TBC1D9B: variants seen among roughly 807,000 people sequenced by gnomAD.
The protein encoded by TBC1D9B is TBC1 domain family, member 9B (with GRAM domain).
Under a neutral mutation model 121.1 loss-of-function variants are expected in TBC1D9B, and 87 were observed. That is an observed-to-expected ratio of 0.72 (90% CI 0.60 to 0.86). TBC1D9B has a LOEUF of 0.86. Among genes scored for constraint, TBC1D9B ranks in the 40% least tolerant of loss-of-function variants. TBC1D9B has a pLI of 0.00. For synonymous variants in TBC1D9B, 668 were observed against 670.1 expected (o/e 1.00, Z 0.05); for missense variants, 1,540 against 1,628.6 (o/e 0.95, Z 0.94).
At chr5:179,879,838 G>A (rs1038713652) in intron 7 of TBC1D9B, 49 bp from the exon 8 acceptor site, 1 of 1,542,048 alleles carries the variant, frequency 6.5e-7, no homozygotes, top group African/African-American at 1.4e-5. Flanking sequence ...GTGCTGCCAG[G>A]TGGCCTCTGA....
At position 179,904,649 on chromosome 5, in the gene TBC1D9B, G is replaced by A. The variant is rs534613880; in HGVS notation, c.229+53C>T. 1.3e-5 allele frequency: 19 copies of A among 1,479,448 alleles called. No individual in the cohort carries two copies. In the South Asian group the frequency reaches 2.1e-4, roughly 16 times the overall value. 91.6% of individuals were successfully genotyped at this position (1,479,448 alleles called of 1,614,324 possible). On this transcript the variant is annotated intron_variant, in intron 2 of 20. Transcript: ENST00000355235. This position sits in a 1 kb window ranked among gnomAD's most constrained non-coding sequence, Gnocchi z 4.2. ...CTACACACCCCTTCCTCTCGGCAAC[G>A]GCCCTTCCAGGGCAGGCCCTGCCCA...
chr5:179,865,929 T>C lies in TBC1D9B; in HGVS notation c.2864-41A>G. 6.2e-7 allele frequency: 1 copy of C among 1,612,870 alleles called. No homozygotes were observed. The highest frequency in any genetic ancestry group is 8.5e-7 in the Non-Finnish European group (1 of 1,178,932). On this transcript the variant is annotated intron_variant, in intron 18 of 20. Coordinates refer to ENST00000355235, the MANE Select transcript of TBC1D9B (RefSeq NM_015043.4). This position sits in a 1 kb window ranked among gnomAD's most constrained non-coding sequence, Gnocchi z 5.1. The stretch of plus-strand genomic sequence containing the variant: ...AATAAAAAGAACATGAATAACATTC[T>C]GCTGTTGGGACTGCAAGCTCCTGGG...
chr5:179,875,118 ATCT>A lies in TBC1D9B; in HGVS notation c.1967_1969del (p.Lys656del). Reference sequence around the variant, plus strand: ...GCTGGAGATCACCCCCAGGTCCTGCATCTTCTCCGAGAGCTGCGGCAGGAAGTC... The same window carrying A: ...GCTGGAGATCACCCCCAGGTCCTGCATCTCCGAGAGCTGCGGCAGGAAGTC... On this transcript the variant is annotated inframe_deletion, in exon 12 of 21. Transcript: ENST00000355235. The surrounding 1 kb of genome is among the most constrained non-coding windows in gnomAD (Gnocchi z 4.5). 1 of 1,614,016 alleles carries A rather than the reference ATCT, an allele frequency of 6.2e-7. No homozygotes were observed. Among genetic ancestry groups the A allele is most frequent in the Non-Finnish European group, 8.5e-7 (1 of 1,180,022 alleles).
At chr5:179,898,985 G>A (rs1189093287) in intron 3 of TBC1D9B, among the ~76,000 whole-genome samples, 1 of 152,222 alleles carries the variant, frequency 6.6e-6, no homozygotes, top group African/African-American at 2.4e-5. Context: ...GCAGCCTCCA[G>A]TGCCCACCCA....
intron 7 of TBC1D9B, among the ~76,000 whole-genome samples, chr5:179,880,653 C>T (rs1561640226): frequency 6.6e-6 from 1 of 152,062 alleles, no homozygotes; most frequent in East Asian, 1.9e-4. Context: ...CCTGTTAAAA[C>T]GTACCAAATT....
Position 179,893,614 on chromosome 5 carries a change from G to A in TBC1D9B, c.578-147C>T, listed in dbSNP as rs148458353. On this transcript the variant is annotated intron_variant, in intron 4 of 20. Transcript: ENST00000355235. Reference sequence around the variant, plus strand: ...CCCAGGCCTGTCTGGGCTGTGTCACGCCCTCCATGTGGAGGGACCAGGCCA... The same window carrying A: ...CCCAGGCCTGTCTGGGCTGTGTCACACCCTCCATGTGGAGGGACCAGGCCA... The A allele has an allele frequency of 8.7e-4, 1,005 of 1,158,574 alleles. 7 individuals carry two copies. The African/African-American group carries it at 0.011, about 13-fold the overall frequency. 71.8% of individuals were successfully genotyped at this position (1,158,574 alleles called of 1,614,324 possible).
chr5:179,893,099 G>A (rs1345806910), intron 5 of TBC1D9B, 110 bp downstream of exon 5: 3 of 1,448,620 alleles, frequency 2.1e-6, no homozygotes, highest in Non-Finnish European at 1.8e-6. Context: ...CCCATGAGGG[G>A]TGAATGTGGA....
chr5:179,901,675 T>C (rs1414489907), intron 2 of TBC1D9B, among the ~76,000 whole-genome samples: 2 of 152,164 alleles, frequency 1.3e-5, no homozygotes, highest in Non-Finnish European at 2.9e-5. Context: ...GTCAGGAGGC[T>C]GAGGTGGGAG....
intron 18 of TBC1D9B, 121 bp downstream of exon 18, chr5:179,867,657 C>A: frequency 1.3e-6 from 2 of 1,514,200 alleles, no homozygotes; most frequent in Non-Finnish European, 9.1e-7. Flanking sequence ...TGGGGAGAAC[C>A]CCATGCGGCC....
chr5:179,879,566 C>T (rs1760468949), intron 8 of TBC1D9B, 62 bp downstream of exon 8: 1 of 1,611,354 alleles, frequency 6.2e-7, no homozygotes, highest in African/African-American at 1.3e-5. Flanking sequence ...GGACTGGCTC[C>T]AGCTTTCCTC....
At chr5:179,897,278 C>T (rs888563272) in intron 3 of TBC1D9B, among the ~76,000 whole-genome samples, 1 of 151,578 alleles carries the variant, frequency 6.6e-6, no homozygotes, top group African/African-American at 2.4e-5. Context: ...GCATCCCACA[C>T]ATCCTGACAT....
At chr5:179,870,795 G>A (rs1431036651) in intron 15 of TBC1D9B, 6 of 407,236 alleles carry the variant, frequency 1.5e-5, no homozygotes, top group Non-Finnish European at 2.7e-5. Flanking sequence ...AGGGAAACAA[G>A]AGGCCTGAGG....
At chr5:179,869,580 C>G (rs1342276268) in intron 17 of TBC1D9B, 189 bp downstream of exon 17, 1 of 715,184 alleles carries the variant, frequency 1.4e-6, no homozygotes, top group South Asian at 1.5e-5. Context: ...CCTTCCCAGG[C>G]CAAGGCCCTG....
chr5:179,862,511 G>A lies in TBC1D9B; in HGVS notation c.*937C>T, dbSNP rs1310700709. 2 of 453,304 alleles carry A rather than the reference G, an allele frequency of 4.4e-6. No individual in the cohort carries two copies. The highest frequency in any genetic ancestry group is 2.0e-5 in the African/African-American group (1 of 50,046). The allele number at this position is 453,304 out of a possible 1,614,324, so 28.1% of individuals were successfully genotyped here. A position where few individuals can be genotyped will look rare whatever the true frequency, so the allele number is the denominator to read the frequency against. On this transcript the variant is annotated 3_prime_UTR_variant, in exon 21 of 21. Transcript: ENST00000355235. The stretch of plus-strand genomic sequence containing the variant: ...ACAACCCCTGCCCATGAAGACCTGT[G>A]GAGCTCAGGGCATCCCCTGATGCAG...
At chr5:179,867,663 C>T (rs1180319639) in intron 18 of TBC1D9B, 115 bp downstream of exon 18, 17 of 1,520,774 alleles carry the variant, frequency 1.1e-5, no homozygotes, top group East Asian at 7.0e-5. Flanking sequence ...GAACCCCATG[C>T]GGCCTGCTCC....
intron 18 of TBC1D9B, chr5:179,866,813 C>T (rs1006095186): frequency 1.3e-5 from 2 of 152,788 alleles, no homozygotes; most frequent in African/African-American, 4.8e-5. Context: ...TCTTGGTACA[C>T]ACTATTTTTG....
In TBC1D9B at chr5:179,888,217, CA is replaced by C; in HGVS notation, c.1139del (p.Leu380ArgfsTer77). Reference protein sequence around the residue: ...KSKMTFLFANLKDRDFLVQRI... With the variant: ...KSKMTFLFANXKDRDFLVQRI... ...TCTGCACCAAGAAATCACGGTCTTT[CA>C]GGTTGGCAAACAGGAATGTCATTTT... On this transcript the variant is annotated frameshift_variant, in exon 7 of 21. Coordinates refer to ENST00000355235, the MANE Select transcript of TBC1D9B (RefSeq NM_015043.4). LOFTEE classifies it high-confidence loss of function. The C allele has an allele frequency of 6.2e-7, 1 of 1,612,492 alleles. No homozygotes were observed. The highest frequency in any genetic ancestry group is 8.5e-7 in the Non-Finnish European group (1 of 1,179,444).
chr5:179,892,273 C>T (rs930248085), intron 5 of TBC1D9B, among the ~76,000 whole-genome samples: 1 of 152,276 alleles, frequency 6.6e-6, no homozygotes, highest in Non-Finnish European at 1.5e-5. Flanking sequence ...GTGTTCTTTC[C>T]AAAAGGTCCA....
rs1372559894 is a variant in TBC1D9B, at chr5:179,890,304, C to T, written c.1044+1075G>A. ...CTCAGTCCTCCAGTGTGAGCTAGTC[C>T]TGCTCCCCGAGCTCCGCCAGGGCTC... is the stretch of plus-strand genomic sequence containing the variant. On this transcript the variant is annotated intron_variant, in intron 6 of 20. Coordinates refer to ENST00000355235, the MANE Select transcript of TBC1D9B (RefSeq NM_015043.4). The surrounding 1 kb of genome is among the most constrained non-coding windows in gnomAD (Gnocchi z 5.0). Among the ~76,000 whole-genome samples the T allele has an allele frequency of 6.6e-6, 1 of 152,222 alleles. No individual in the cohort carries two copies. The highest frequency in any genetic ancestry group is 1.5e-5 in the Non-Finnish European group (1 of 68,032).
Sources: gnomAD v4.1 joint callset for allele counts (sites outside exome capture counted in the v4.1 genomes callset) on GRCh38, gnomAD v4.1.1 for gene constraint, Gnocchi (gnomAD v3.1) non-coding constraint, MANE v1.5 for transcripts, NCBI Gene and HGNC (gene_info 2026-07-23, HGNC 2026-07-21) for gene names.